The following GPHN variants were observed in gnomAD, a reference collection of about 807,000 sequenced individuals.
GPHN encodes gephyrin.
GPHN carries 17 observed loss-of-function variants against 95.5 expected under a neutral mutation model. That is an observed-to-expected ratio of 0.18 (90% confidence interval 0.12 to 0.27). The LOEUF (loss-of-function observed/expected upper bound fraction) is 0.27. GPHN is among the 10% of genes least tolerant of loss of function. The pLI is 1.00. For missense variants in GPHN, 660 were observed against 978.1 expected (o/e 0.67, Z 4.34); for synonymous variants, 320 against 322.5 (o/e 0.99, Z 0.08).
chr14:67,642,362 A>G, the GPHN span: 1 of 1,613,410 alleles, frequency 6.2e-7, no homozygotes, highest in East Asian at 2.2e-5. Context: ...AGGAGACCAC[A>G]GGTAAGCTGG....
At chr14:67,540,492 T>C in the GPHN span, among the ~76,000 whole-genome samples, 1 of 151,992 alleles carries the variant, frequency 6.6e-6, no homozygotes. Flanking sequence ...CCAGGCTTGA[T>C]GGTGCACGCC....
chr14:67,617,685 A>G, the GPHN span, among the ~76,000 whole-genome samples: 1 of 152,216 alleles, frequency 6.6e-6, no homozygotes, highest in Non-Finnish European at 1.5e-5. Context: ...CTGGTGATCC[A>G]CAGTAAATGC....
the GPHN span, among the ~76,000 whole-genome samples, chr14:67,496,215 T>C: frequency 1.3e-5 from 2 of 151,964 alleles, no homozygotes; most frequent in African/African-American, 4.8e-5. Context: ...AAATTTTGTA[T>C]CTATTTATTT....
At chr14:66,612,606 C>A (rs1408127114) in intron 1 of GPHN, among the ~76,000 whole-genome samples, 1 of 152,054 alleles carries the variant, frequency 6.6e-6, no homozygotes, top group Non-Finnish European at 1.5e-5. Flanking sequence ...TTCAAATTCA[C>A]AAATCTGAGC....
intron 1 of GPHN, among the ~76,000 whole-genome samples, chr14:66,510,265 T>C (rs946105179): frequency 1.3e-5 from 2 of 152,102 alleles, no homozygotes; most frequent in Non-Finnish European, 2.9e-5. Context: ...TCTTTGACAA[T>C]AATAGAGTAG....
intron 8 of GPHN, among the ~76,000 whole-genome samples, chr14:66,944,815 G>T (rs981171622): frequency 6.6e-6 from 1 of 152,214 alleles, no homozygotes; most frequent in East Asian, 1.9e-4. Flanking sequence ...GGAGGGGAAG[G>T]CTCCACAGAT....
At chr14:67,642,463 C>T in the GPHN span, 3 of 1,364,282 alleles carry the variant, frequency 2.2e-6, no homozygotes, top group Non-Finnish European at 3.0e-6. Context: ...GAAAAATACC[C>T]TACAGAATTT....
chr14:67,062,032 C>T (rs555490533), intron 11 of GPHN, among the ~76,000 whole-genome samples: 35 of 151,986 alleles, frequency 2.3e-4, no homozygotes, highest in Non-Finnish European at 4.7e-4. Flanking sequence ...AGACAACTGA[C>T]TGAAATATTT....
chr14:67,113,197 T>A (rs747158024), intron 16 of GPHN, 26 bp downstream of exon 16: 148 of 1,589,942 alleles, frequency 9.3e-5, no homozygotes, highest in Non-Finnish European at 1.3e-4. Context: ...ATGGAGGGAG[T>A]GGGGAGAGGG....
intron 9 of GPHN, among the ~76,000 whole-genome samples, chr14:66,967,399 C>G (rs917815569): frequency 2.0e-5 from 3 of 151,962 alleles, no homozygotes; most frequent in Non-Finnish European, 4.4e-5. Flanking sequence ...AGAATCTAAA[C>G]TAGGTGCTTT....
intron 9 of GPHN, among the ~76,000 whole-genome samples, chr14:66,980,039 T>C (rs2070546352): frequency 6.6e-6 from 1 of 152,122 alleles, no homozygotes; most frequent in South Asian, 2.1e-4. Context: ...CCATTTGTGG[T>C]ACCTCAAAAC....
chr14:67,013,967 G>GTATCTATATTGTATCTATATT (rs1352055122), intron 9 of GPHN, among the ~76,000 whole-genome samples: 8 of 151,758 alleles, frequency 5.3e-5, no homozygotes, highest in African/African-American at 1.9e-4. Flanking sequence ...TTATATTATT[G>GTATCTATATTGTATCTATATT]ACTGTATCTA....
At chr14:67,390,762 G>T in the GPHN span, 3 of 1,568,588 alleles carry the variant, frequency 1.9e-6, no homozygotes, top group East Asian at 2.2e-5. Context: ...GCAAAGAAAT[G>T]GTTCAAAGCT....
At chr14:66,755,967 T>A (rs2058541142) in intron 2 of GPHN, among the ~76,000 whole-genome samples, 1 of 152,198 alleles carries the variant, frequency 6.6e-6, no homozygotes, top group Non-Finnish European at 1.5e-5. Context: ...ATCACATTTG[T>A]AATTAATTAA....
chr14:66,520,912 T>C (rs1436646183), intron 1 of GPHN, among the ~76,000 whole-genome samples: 2 of 152,048 alleles, frequency 1.3e-5, no homozygotes, highest in African/African-American at 4.8e-5. Flanking sequence ...TTTGTGTCCA[T>C]GAGTTCTTTT....
chr14:66,960,639 C>T (rs912677358), intron 8 of GPHN, among the ~76,000 whole-genome samples: 1 of 151,980 alleles, frequency 6.6e-6, no homozygotes, highest in Admixed American at 6.6e-5. Context: ...CCAGTTTTTG[C>T]AGATGAGCTC....
intron 18 of GPHN, among the ~76,000 whole-genome samples, chr14:67,144,862 T>G (rs1341346337): frequency 3.3e-5 from 5 of 152,186 alleles, no homozygotes; most frequent in Non-Finnish European, 7.3e-5. Context: ...CTAAAAAGTT[T>G]GGAAGAAAAA....
chr14:66,586,528 G>A (rs180891444), intron 1 of GPHN, among the ~76,000 whole-genome samples: 3 of 152,306 alleles, frequency 2.0e-5, no homozygotes, highest in Admixed American at 1.3e-4. Context: ...GGTGGTACCA[G>A]TTGTTCCTTT....
intron 3 of GPHN, among the ~76,000 whole-genome samples, chr14:66,780,339 C>T (rs1375219522): frequency 1.3e-5 from 2 of 152,026 alleles, no homozygotes; most frequent in Non-Finnish European, 2.9e-5. Context: ...TAATTGAGGC[C>T]ATGCTAGTCA....
Sources: allele counts gnomAD v4.1 joint callset (sites outside exome capture counted in the v4.1 genomes callset), GRCh38; gene constraint gnomAD v4.1.1; transcripts MANE v1.5; gene names NCBI Gene and HGNC (gene_info 2026-07-23, HGNC 2026-07-21).